The following THSD7A variants were observed in gnomAD, a reference collection of about 807,000 sequenced individuals.
THSD7A encodes the protein thrombospondin type-1 domain-containing protein 7A.
In THSD7A, 96 loss-of-function variants were observed where a neutral mutation model predicts 231.3. The ratio of observed to expected loss-of-function variants is 0.41; its 90% CI spans 0.35 to 0.49. THSD7A has a LOEUF of 0.49. THSD7A is among the 20% of genes least tolerant of loss of function. The pLI, the probability that THSD7A is intolerant of heterozygous loss-of-function variation, is 0.05. For synonymous variants in THSD7A, 940 were observed against 743.3 expected, an observed-to-expected ratio of 1.26 and a Z score of -4.30; for missense variants, 2,290 against 2,070.2, an observed-to-expected ratio of 1.11 and a Z score of -2.06.
intron 7 of THSD7A, among the ~76,000 whole-genome samples, chr7:11,475,372 C>A (rs1786117042): frequency 6.6e-6 from 1 of 151,912 alleles, no homozygotes; most frequent in Admixed American, 6.6e-5. Context: ...GATTCTGCGG[C>A]AGCACAGCCC....
chr7:11,674,742 T>A (rs1783565953), intron 1 of THSD7A, among the ~76,000 whole-genome samples: 1 of 152,120 alleles, frequency 6.6e-6, no homozygotes, highest in South Asian at 2.1e-4. Context: ...GAAATCCAGC[T>A]ATACAAAAAT....
At chr7:11,764,523 T>C (rs1336988819) in intron 1 of THSD7A, among the ~76,000 whole-genome samples, 1 of 138,446 alleles carries the variant, frequency 7.2e-6, no homozygotes, top group South Asian at 2.2e-4. Context: ...GGAGCCGAGA[T>C]AGCGCCACTG....
chr7:11,452,400 G>A (rs17164579), intron 11 of THSD7A, among the ~76,000 whole-genome samples: 7,161 of 151,962 alleles, frequency 0.047, 523 homozygotes, highest in African/African-American at 0.16. Context: ...ATTTTCACTG[G>A]CAAGTTTGCC....
intron 7 of THSD7A, among the ~76,000 whole-genome samples, chr7:11,480,434 T>C (rs1282767020): frequency 6.6e-6 from 1 of 152,164 alleles, no homozygotes; most frequent in African/African-American, 2.4e-5. Flanking sequence ...GATCTAATTT[T>C]AATGAAGCCC....
At chr7:11,731,155 T>C (rs1781719325) in intron 1 of THSD7A, among the ~76,000 whole-genome samples, 1 of 151,676 alleles carries the variant, frequency 6.6e-6, no homozygotes, top group Admixed American at 6.6e-5. Flanking sequence ...ATATTGATAA[T>C]TTGACAGTAA....
chr7:11,722,963 C>A (rs1040223478), intron 1 of THSD7A, among the ~76,000 whole-genome samples: 2 of 151,926 alleles, frequency 1.3e-5, no homozygotes, highest in African/African-American at 4.8e-5. Flanking sequence ...TTGACCCAGC[C>A]ATCCCATTAC....
chr7:11,565,730 G>A (rs941197818), intron 4 of THSD7A, among the ~76,000 whole-genome samples: 2 of 152,164 alleles, frequency 1.3e-5, no homozygotes, highest in African/African-American at 4.8e-5. Context: ...CCTAGACCAT[G>A]ATAAGTCTAT....
chr7:11,719,985 T>C (rs1219927056), intron 1 of THSD7A, among the ~76,000 whole-genome samples: 1 of 151,826 alleles, frequency 6.6e-6, no homozygotes, highest in Non-Finnish European at 1.5e-5. Context: ...AAGATAAGTA[T>C]TGGTTTATCT....
At chr7:11,571,380 G>A (rs1032096796) in intron 4 of THSD7A, among the ~76,000 whole-genome samples, 1 of 152,162 alleles carries the variant, frequency 6.6e-6, no homozygotes, top group Admixed American at 6.5e-5. Context: ...CCCCTGTTGA[G>A]CTACTGCTGA....
At position 11,543,117 on chromosome 7, in the gene THSD7A, G is replaced by A; in HGVS notation, c.1454C>T (p.Ala485Val). 1.2e-6 allele frequency: 2 copies of A among 1,607,894 alleles called. No homozygotes were observed. The highest frequency in any genetic ancestry group is 1.7e-6 in the Non-Finnish European group (2 of 1,177,300). Residue 485 changes from alanine to valine, a missense_variant and splice_region_variant, in exon 5 of 28, where the codon GCC becomes GTC. By Grantham distance (64) the Ala-to-Val change is moderately conservative (BLOSUM62 0). Transcript: ENST00000423059. ...TAATTTTAAGTCCATTGGCTTTGAG[G>A]CTAGAGAAAAATACAGACACATATT... ...SQLSTHKNKE[A>V]SKPMDLKLCT...
chr7:11,698,412 G>A (rs1381525630), intron 1 of THSD7A, among the ~76,000 whole-genome samples: 1 of 151,054 alleles, frequency 6.6e-6, no homozygotes, highest in East Asian at 2.0e-4. Context: ...ATTCACTGCT[G>A]CAAGGAGACA....
chr7:11,594,671 G>C (rs1780295555), intron 2 of THSD7A, among the ~76,000 whole-genome samples: 1 of 152,126 alleles, frequency 6.6e-6, no homozygotes, highest in Non-Finnish European at 1.5e-5. Flanking sequence ...AGTGATGAAA[G>C]AAAATGATAA....
At chr7:11,816,957 C>T (rs1001278863) in intron 1 of THSD7A, among the ~76,000 whole-genome samples, 1 of 152,030 alleles carries the variant, frequency 6.6e-6, no homozygotes, top group Non-Finnish European at 1.5e-5. Context: ...TATAATGGTG[C>T]ATCAAATTAT....
intron 1 of THSD7A, among the ~76,000 whole-genome samples, chr7:11,785,847 T>C (rs144380174): frequency 3.8e-4 from 58 of 152,220 alleles, no homozygotes; most frequent in African/African-American, 1.2e-3. Context: ...AATAAAATAA[T>C]AGGCTAATTC....
chr7:11,555,205 T>C (rs1248608546), intron 4 of THSD7A, among the ~76,000 whole-genome samples: 2 of 151,940 alleles, frequency 1.3e-5, no homozygotes, highest in African/African-American at 2.4e-5. Flanking sequence ...TTGTGTCTTA[T>C]CCTCTTTTCC....
At chr7:11,566,591 C>CTGTTCTGAT (rs1790337786) in intron 4 of THSD7A, among the ~76,000 whole-genome samples, 1 of 152,172 alleles carries the variant, frequency 6.6e-6, no homozygotes, top group Non-Finnish European at 1.5e-5. Flanking sequence ...AACAGAGCTG[C>CTGTTCTGAT]ATGCACTCTG....
chr7:11,809,619 T>C (rs942710087), intron 1 of THSD7A, among the ~76,000 whole-genome samples: 4 of 152,198 alleles, frequency 2.6e-5, no homozygotes, highest in African/African-American at 9.7e-5. Flanking sequence ...TTAACTATGG[T>C]AAATATTTCA....
At chr7:11,789,179 T>C (rs1001447489) in intron 1 of THSD7A, among the ~76,000 whole-genome samples, 19 of 152,012 alleles carry the variant, frequency 1.2e-4, no homozygotes, top group Admixed American at 6.6e-4. Context: ...AGTGGTGTCA[T>C]TGAACAACAT....
rs745615199 is a variant in THSD7A, at chr7:11,831,783, G to A, written c.164C>T (p.Ala55Val). Residue 55 changes from alanine to valine, a missense_variant, in exon 1 of 28, where the codon GCG becomes GTG. Ala to Val is a moderately conservative substitution (Grantham distance 64, BLOSUM62 0). Coordinates refer to ENST00000423059, the MANE Select transcript of THSD7A (RefSeq NM_015204.3). The surrounding 1 kb of genome is among the most constrained non-coding windows in gnomAD (Gnocchi z 5.0). ...GRAAAQGEAE[A>V]PTLYLWKTGP... Reference sequence around the variant, plus strand: ...AGTCTTCCACAGATAGAGGGTGGGCGCCTCCGCCTCGCCCTGCGCCGCAGC... The same window carrying A: ...AGTCTTCCACAGATAGAGGGTGGGCACCTCCGCCTCGCCCTGCGCCGCAGC... The A allele has an allele frequency of 1.5e-5, 22 of 1,478,048 alleles. No individual in the cohort carries two copies. The East Asian group carries it at 1.6e-4, about 11-fold the overall frequency. 91.6% of individuals were successfully genotyped at this position (1,478,048 alleles called of 1,614,324 possible).
Sources: allele counts gnomAD v4.1 joint callset (sites outside exome capture counted in the v4.1 genomes callset), GRCh38; gene constraint gnomAD v4.1.1; non-coding constraint Gnocchi (gnomAD v3.1); transcripts MANE v1.5; gene names NCBI Gene and HGNC (gene_info 2026-07-23, HGNC 2026-07-21).